The following FBXL7 variants were observed in gnomAD, a reference collection of about 807,000 sequenced individuals.
FBXL7 encodes the protein F-box/LRR-repeat protein 7.
A neutral mutation model predicts 38.3 loss-of-function variants in FBXL7; 12 were observed. The observed-to-expected ratio is 0.31, with a 90% confidence interval of 0.20 to 0.51. The LOEUF (loss-of-function observed/expected upper bound fraction) is 0.51. FBXL7 is among the 20% of genes least tolerant of loss of function. The pLI, the probability that FBXL7 is intolerant of heterozygous loss-of-function variation, is 0.98. For synonymous variants in FBXL7, 297 were observed against 300.9 expected, an observed-to-expected ratio of 0.99 and a Z score of 0.13; for missense variants, 567 against 676.4, an observed-to-expected ratio of 0.84 and a Z score of 1.79.
chr5:15,511,411 C>A (rs1363584450), intron 1 of FBXL7, among the ~76,000 whole-genome samples: 3 of 152,160 alleles, frequency 2.0e-5, no homozygotes, highest in Non-Finnish European at 4.4e-5. Flanking sequence ...CCTGGGGTAG[C>A]CTTTGTGCCT....
chr5:15,858,360 T>C (rs980465507), intron 2 of FBXL7, among the ~76,000 whole-genome samples: 20 of 152,180 alleles, frequency 1.3e-4, no homozygotes, highest in Non-Finnish European at 2.4e-4. Flanking sequence ...TATTCTACAG[T>C]AAACCATTCA....
intron 2 of FBXL7, among the ~76,000 whole-genome samples, 160 bp downstream of exon 2, chr5:15,616,232 T>C (rs945974751): frequency 2.3e-4 from 35 of 152,190 alleles, no homozygotes; most frequent in African/African-American, 8.2e-4. Flanking sequence ...TTGTTGTTGT[T>C]GTTGTTGCGC....
At chr5:15,558,298 A>T (rs1738312733) in intron 1 of FBXL7, among the ~76,000 whole-genome samples, 1 of 152,154 alleles carries the variant, frequency 6.6e-6, no homozygotes, top group Admixed American at 6.5e-5. Context: ...GCCAGAGAGG[A>T]TTAGGTTGAT....
intron 2 of FBXL7, among the ~76,000 whole-genome samples, chr5:15,694,676 G>A (rs1743279086): frequency 6.6e-6 from 1 of 152,042 alleles, no homozygotes; most frequent in Non-Finnish European, 1.5e-5. Flanking sequence ...CTGTCATTTT[G>A]ACACCTTTAT....
At chr5:15,848,508 A>AG (rs1327130723) in intron 2 of FBXL7, among the ~76,000 whole-genome samples, 9 of 152,054 alleles carry the variant, frequency 5.9e-5, no homozygotes, top group Non-Finnish European at 1.2e-4. Flanking sequence ...CAGCCTCCCG[A>AG]GTAGCTGGGA....
At chr5:15,516,378 A>G (rs1580346957) in intron 1 of FBXL7, among the ~76,000 whole-genome samples, 1 of 152,366 alleles carries the variant, frequency 6.6e-6, no homozygotes, top group African/African-American at 2.4e-5. Context: ...TTAAAATACT[A>G]AACTTCGTAC....
intron 2 of FBXL7, among the ~76,000 whole-genome samples, chr5:15,782,385 T>G (rs947569311): frequency 1.3e-5 from 2 of 152,182 alleles, no homozygotes; most frequent in African/African-American, 4.8e-5. Context: ...TAGTTCCAGA[T>G]CCTTGAGGAA....
intron 2 of FBXL7, among the ~76,000 whole-genome samples, chr5:15,626,887 G>A (rs1319209466): frequency 6.6e-6 from 1 of 151,886 alleles, no homozygotes; most frequent in Non-Finnish European, 1.5e-5. Flanking sequence ...TAATTGAGTG[G>A]GAACTTATTA....
chr5:15,610,318 G>T (rs1397765789), intron 1 of FBXL7, among the ~76,000 whole-genome samples: 1 of 152,128 alleles, frequency 6.6e-6, no homozygotes, highest in Non-Finnish European at 1.5e-5. Flanking sequence ...TGCCTCTCTT[G>T]CCCCTGGTCA....
At chr5:15,827,057 A>C (rs1385541473) in intron 2 of FBXL7, among the ~76,000 whole-genome samples, 2 of 151,874 alleles carry the variant, frequency 1.3e-5, no homozygotes, top group Non-Finnish European at 2.9e-5. Flanking sequence ...CCCCATGAAC[A>C]CTTTTTCATT....
intron 2 of FBXL7, among the ~76,000 whole-genome samples, chr5:15,677,614 G>A (rs1262893035): frequency 6.6e-6 from 1 of 152,014 alleles, no homozygotes; most frequent in Non-Finnish European, 1.5e-5. Flanking sequence ...AGTTGTAAAA[G>A]GTGTGAGCAC....
At chr5:15,761,679 G>GT (rs1736449186) in intron 2 of FBXL7, among the ~76,000 whole-genome samples, 1 of 152,098 alleles carries the variant, frequency 6.6e-6, no homozygotes, top group African/African-American at 2.4e-5. Flanking sequence ...AAGTAGCTGG[G>GT]ACTGTAGGTG....
chr5:15,540,692 G>A (rs532520247), intron 1 of FBXL7, among the ~76,000 whole-genome samples: 16 of 152,268 alleles, frequency 1.1e-4, no homozygotes, highest in Admixed American at 8.5e-4. Flanking sequence ...GAGGCTGAAC[G>A]TCTAAGATCA....
At chr5:15,595,726 A>T (rs181072815) in intron 1 of FBXL7, among the ~76,000 whole-genome samples, 11 of 152,198 alleles carry the variant, frequency 7.2e-5, no homozygotes, top group Non-Finnish European at 4.4e-5. Flanking sequence ...GCAAATGAAT[A>T]GTAGCAAAAA....
intron 1 of FBXL7, among the ~76,000 whole-genome samples, chr5:15,529,989 G>C (rs1737373805): frequency 6.6e-6 from 1 of 152,208 alleles, no homozygotes; most frequent in African/African-American, 2.4e-5. Context: ...ATTGATATCT[G>C]TGGGAGTTCT....
chr5:15,834,615 A>C (rs1248853305), intron 2 of FBXL7, among the ~76,000 whole-genome samples: 4 of 152,204 alleles, frequency 2.6e-5, no homozygotes, highest in Non-Finnish European at 5.9e-5. Flanking sequence ...ATAGAGGAGA[A>C]GCTCTCCAGA....
chr5:15,922,628 G>C (rs1230586393), intron 2 of FBXL7, among the ~76,000 whole-genome samples: 1 of 152,110 alleles, frequency 6.6e-6, no homozygotes, highest in Non-Finnish European at 1.5e-5. Flanking sequence ...AGAAGCTTTT[G>C]ACCATGTATA....
chr5:15,725,634 TTTG>T (rs948634883), intron 2 of FBXL7, among the ~76,000 whole-genome samples: 5 of 152,038 alleles, frequency 3.3e-5, no homozygotes, highest in Admixed American at 6.6e-5. Flanking sequence ...GGAAGATTGT[TTTG>T]TTGTTGTTGT....
At chr5:15,745,879 T>G (rs559556500) in intron 2 of FBXL7, among the ~76,000 whole-genome samples, 21 of 152,184 alleles carry the variant, frequency 1.4e-4, no homozygotes, top group Non-Finnish European at 2.9e-4. Context: ...AGGTTTCTAC[T>G]TTTAAAAAAC....
Sources: gnomAD v4.1 joint callset for allele counts (sites outside exome capture counted in the v4.1 genomes callset) on GRCh38, gnomAD v4.1.1 for gene constraint, MANE v1.5 for transcripts, NCBI Gene and HGNC (gene_info 2026-07-23, HGNC 2026-07-21) for gene names.